The following POLR2F variants were observed in gnomAD, a reference collection of about 807,000 sequenced individuals.
The protein encoded by POLR2F is DNA-directed RNA polymerases I, II, and III subunit RPABC2.
A neutral mutation model predicts 22.7 loss-of-function variants in POLR2F; 12 were observed. The observed-to-expected ratio is 0.53, with a 90% confidence interval of 0.34 to 0.86. POLR2F has a LOEUF of 0.86. Among genes scored for constraint, POLR2F ranks in the 40% least tolerant of loss-of-function variants. The probability of loss-of-function intolerance (pLI) is 0.02; values close to 1 mark genes in which losing one functional copy is unlikely to be tolerated. For synonymous variants in POLR2F, 57 were observed against 66.0 expected, an observed-to-expected ratio of 0.86 and a Z score of 0.66; for missense variants, 126 against 171.5, an observed-to-expected ratio of 0.73 and a Z score of 1.48.
chr22:38,035,419 G>C (rs2085105968), intron 5 of POLR2F, among the ~76,000 whole-genome samples: 1 of 152,220 alleles, frequency 6.6e-6, no homozygotes, highest in Admixed American at 6.5e-5. Context: ...CAACGGTCTA[G>C]AGCAAGTCAG....
At chr22:37,955,779 T>C (rs1351822482) in intron 1 of POLR2F, among the ~76,000 whole-genome samples, 1 of 151,582 alleles carries the variant, frequency 6.6e-6, no homozygotes, top group Non-Finnish European at 1.5e-5. Context: ...GCCTCTCGGG[T>C]TCAAGCAATT....
intron 5 of POLR2F, among the ~76,000 whole-genome samples, chr22:38,037,153 CT>C (rs1489902012): frequency 6.6e-6 from 1 of 152,200 alleles, no homozygotes; most frequent in Non-Finnish European, 1.5e-5. Context: ...GTTATGTCCA[CT>C]GCTGTAGCCC....
At chr22:37,983,250 A>G (rs1484157382), upstream of POLR2F, 6 of 1,291,158 alleles carry the variant, frequency 4.6e-6, no homozygotes, top group Middle Eastern at 2.6e-4. The surrounding 1 kb of genome is among the most constrained non-coding windows in gnomAD (Gnocchi z 9.5). Flanking sequence ...TCCAAGGAGG[A>G]CTGCCAGACA....
rs564743889 is a variant in POLR2F, at chr22:38,000,206, G to A, written c.120+13894G>A. Among the ~76,000 whole-genome samples, 5 of 152,322 alleles carry A rather than the reference G, an allele frequency of 3.3e-5. No homozygotes were observed. The South Asian group carries it at 8.3e-4, about 25-fold the overall frequency. On this transcript the variant is annotated intron_variant, in intron 1 of 2. Coordinates refer to the POLR2F transcript ENST00000333418. ...CCTCCCCTGGGAGTTGGCCACCTGC[G>A]CCCCCACGGTAGACTCTGGCATGCT...
intron 1 of POLR2F, among the ~76,000 whole-genome samples, chr22:38,022,813 G>A (rs373641051): frequency 2.0e-5 from 3 of 152,198 alleles, no homozygotes; most frequent in African/African-American, 7.2e-5. Context: ...AGGAGTTCAA[G>A]ACCAGCCTGG....
intron 4 of POLR2F, chr22:37,977,797 T>C: frequency 6.6e-7 from 1 of 1,512,972 alleles, no homozygotes. Flanking sequence ...AGGGTCTCAT[T>C]GCCATCCAGC....
downstream of POLR2F, among the ~76,000 whole-genome samples, chr22:38,028,128 A>T (rs2145828047): frequency 6.6e-6 from 1 of 152,226 alleles, no homozygotes; most frequent in South Asian, 2.1e-4. Context: ...CCCTTTTGAC[A>T]TCCCGCAGCT....
chr22:37,954,821 G>A (rs368242191), intron 1 of POLR2F, among the ~76,000 whole-genome samples: 1 of 152,186 alleles, frequency 6.6e-6, no homozygotes, highest in Admixed American at 6.6e-5. Context: ...CAGTAGAGAA[G>A]AGGAGATGAC....
intron 4 of POLR2F, among the ~76,000 whole-genome samples, chr22:37,979,150 T>C (rs1264706979): frequency 1.3e-5 from 2 of 151,586 alleles, no homozygotes; most frequent in East Asian, 3.9e-4. Flanking sequence ...CAGGCTGGAG[T>C]GCCGTGATGC....
intron 1 of POLR2F, among the ~76,000 whole-genome samples, chr22:38,006,098 G>A (rs1271253314): frequency 2.6e-5 from 4 of 152,080 alleles, no homozygotes; most frequent in Non-Finnish European, 5.9e-5. Flanking sequence ...GCCCATGCCT[G>A]TTGTCCTAGC....
At chr22:38,008,938 G>A (rs1183407746) in intron 1 of POLR2F, among the ~76,000 whole-genome samples, 1 of 152,208 alleles carries the variant, frequency 6.6e-6, no homozygotes, top group Non-Finnish European at 1.5e-5. Flanking sequence ...GTGGAGCAGG[G>A]AAAGGGGTGT....
At chr22:37,986,155 G>T (rs765897176), upstream of POLR2F, 46 of 1,530,864 alleles carry the variant, frequency 3.0e-5, no homozygotes, top group Middle Eastern at 8.7e-4. The surrounding 1 kb of genome is among the most constrained non-coding windows in gnomAD (Gnocchi z 4.7). Flanking sequence ...TTTTAACAGC[G>T]CCCGCTCGGC....
chr22:38,000,666 A>G (rs2084761097), intron 1 of POLR2F, among the ~76,000 whole-genome samples: 1 of 152,142 alleles, frequency 6.6e-6, no homozygotes, highest in Non-Finnish European at 1.5e-5. Flanking sequence ...AGCCAACACC[A>G]TTGAGGAGGG....
exon 3 of POLR2F, chr22:38,026,642 G>A (rs1180590058): frequency 7.4e-6 from 2 of 270,660 alleles, no homozygotes; most frequent in East Asian, 1.9e-4. Context: ...AGACAATTGG[G>A]TGTTTTAGAG....
Position 37,967,861 on chromosome 22 carries a change from G to A in POLR2F, c.*146G>A. ...CCTGTTGCTTCCCCGTTACCGCCAT[G>A]CTGCGTGGAGCATGCACCTATTCCA... On this transcript the variant is annotated 3_prime_UTR_variant, in exon 5 of 5. Transcript: ENST00000442738. The A allele has an allele frequency of 7.1e-7, 1 of 1,415,094 alleles. No homozygotes were observed. The highest frequency in any genetic ancestry group is 2.7e-5 in the East Asian group (1 of 37,504). The allele number at this position is 1,415,094 out of a possible 1,614,324, so 87.7% of individuals were successfully genotyped here.
chr22:37,983,526 G>A (rs1308113538), upstream of POLR2F: 1 of 1,610,336 alleles, frequency 6.2e-7, no homozygotes, highest in Non-Finnish European at 8.5e-7. The surrounding 1 kb of genome is among the most constrained non-coding windows in gnomAD (Gnocchi z 9.5). Flanking sequence ...ATGGGCACCA[G>A]CGTCCAGTCG....
intron 1 of POLR2F, among the ~76,000 whole-genome samples, chr22:37,998,129 C>G (rs936755221): frequency 5.3e-5 from 8 of 152,322 alleles, no homozygotes; most frequent in African/African-American, 1.9e-4. Flanking sequence ...CCCTCTCTCT[C>G]ATTGTCTAAG....
At chr22:37,977,161 C>CT (rs2145766643) in intron 4 of POLR2F, among the ~76,000 whole-genome samples, 1 of 146,594 alleles carries the variant, frequency 6.8e-6, no homozygotes, top group Non-Finnish European at 1.5e-5. Flanking sequence ...GAGTGAGACT[C>CT]TGTCTCCAGA....
downstream of POLR2F, among the ~76,000 whole-genome samples, chr22:38,028,910 G>C (rs1316590865): frequency 1.3e-5 from 2 of 152,206 alleles, no homozygotes; most frequent in Admixed American, 6.5e-5. Flanking sequence ...TGCAAGCCCC[G>C]GCCACTCCAT....
Sources: allele counts gnomAD v4.1 joint callset (sites outside exome capture counted in the v4.1 genomes callset), GRCh38; gene constraint gnomAD v4.1.1; non-coding constraint Gnocchi (gnomAD v3.1); transcripts MANE v1.5; gene names NCBI Gene and HGNC (gene_info 2026-07-23, HGNC 2026-07-21).